SNTG1: variants seen among roughly 807,000 people sequenced by gnomAD.
The protein encoded by SNTG1 is gamma-1-syntrophin.
SNTG1 carries 39 observed loss-of-function variants against 74.7 expected under a neutral mutation model. That is an observed-to-expected ratio of 0.52 (90% confidence interval 0.40 to 0.68). SNTG1 has a LOEUF of 0.68. SNTG1 is among the 30% of genes least tolerant of loss of function. The probability of loss-of-function intolerance (pLI) is 0.00; values close to 1 mark genes in which losing one functional copy is unlikely to be tolerated. For missense variants in SNTG1, 685 were observed against 609.5 expected (o/e 1.12, Z -1.30); for synonymous variants, 254 against 217.1 (o/e 1.17, Z -1.49).
At chr8:50,498,624 T>G (rs1172042260) in intron 8 of SNTG1, among the ~76,000 whole-genome samples, 1 of 151,910 alleles carries the variant, frequency 6.6e-6, no homozygotes, top group Non-Finnish European at 1.5e-5. Context: ...GTGTTTTTAT[T>G]GGATGTACTT....
chr8:50,305,795 A>C (rs1283730895), intron 2 of SNTG1, among the ~76,000 whole-genome samples: 1 of 152,002 alleles, frequency 6.6e-6, no homozygotes, highest in Non-Finnish European at 1.5e-5. Flanking sequence ...TAATATCTGG[A>C]TTAAGAAATC....
At chr8:50,326,500 T>C (rs2090755331) in intron 2 of SNTG1, among the ~76,000 whole-genome samples, 1 of 152,022 alleles carries the variant, frequency 6.6e-6, no homozygotes, top group Admixed American at 6.6e-5. Context: ...ATAGTATTTT[T>C]TGTTATTCCT....
At chr8:50,087,789 T>G (rs203614) in intron 1 of SNTG1, among the ~76,000 whole-genome samples, 94,186 of 151,658 alleles carry the variant, frequency 0.62, 29,599 homozygotes, top group East Asian at 0.84. Flanking sequence ...ATTTATTTAT[T>G]TTTTATTATA....
intron 1 of SNTG1, among the ~76,000 whole-genome samples, chr8:50,081,267 T>C (rs1263056867): frequency 1.3e-5 from 1 of 79,594 alleles, no homozygotes; most frequent in Non-Finnish European, 2.4e-5. Context: ...CATAATTTTT[T>C]TGTCTGTTAT....
chr8:50,673,128 T>A (rs186345681), intron 15 of SNTG1, among the ~76,000 whole-genome samples: 1 of 152,216 alleles, frequency 6.6e-6, no homozygotes, highest in African/African-American at 2.4e-5. Context: ...CCAACTTCAT[T>A]CTTTTTCCTT....
chr8:50,444,027 A>T (rs1304394066), intron 5 of SNTG1, among the ~76,000 whole-genome samples: 1 of 152,076 alleles, frequency 6.6e-6, no homozygotes, highest in African/African-American at 2.4e-5. Flanking sequence ...AGTCTCAGCT[A>T]CTTGGGAGGC....
intron 2 of SNTG1, among the ~76,000 whole-genome samples, chr8:50,236,663 G>C (rs1037880691): frequency 6.6e-6 from 1 of 151,888 alleles, no homozygotes; most frequent in Admixed American, 6.6e-5. Flanking sequence ...TGTTAGCCAG[G>C]ATGGTCTCGA....
chr8:50,065,536 T>C (rs554770051), intron 1 of SNTG1, among the ~76,000 whole-genome samples: 1 of 152,168 alleles, frequency 6.6e-6, no homozygotes, highest in African/African-American at 2.4e-5. Context: ...TTAAGAAAAA[T>C]ATTTGACTCT....
intron 2 of SNTG1, among the ~76,000 whole-genome samples, chr8:50,180,194 G>T (rs2083151548): frequency 6.6e-6 from 1 of 152,120 alleles, no homozygotes; most frequent in Non-Finnish European, 1.5e-5. Flanking sequence ...GACAGATACT[G>T]TATTATTTCA....
Position 50,222,801 on chromosome 8 carries a change from C to G in SNTG1, c.-28+50166C>G, listed in dbSNP as rs533265841. ...AATTAATTTAGAATGGCCCGGGGAA[C>G]TAGTGACCACAGTTGCAGACAGAAG... On this transcript the variant is annotated intron_variant, in intron 2 of 18. Coordinates refer to ENST00000642720, the MANE Select transcript of SNTG1 (RefSeq NM_018967.5). 2.2e-4 allele frequency among the ~76,000 whole-genome samples: 34 copies of G among 152,242 alleles called. 1 individual carries two copies. Among genetic ancestry groups the G allele is most frequent in the African/African-American group, 8.2e-4 (34 of 41,550 alleles).
intron 1 of SNTG1, among the ~76,000 whole-genome samples, chr8:50,158,169 A>T (rs189288806): frequency 6.6e-6 from 1 of 152,126 alleles, no homozygotes; most frequent in Admixed American, 6.6e-5. Flanking sequence ...TTCTCTTCCC[A>T]TTATCAGGTT....
chr8:50,152,628 C>T lies in SNTG1; in HGVS notation c.-102-19933C>T, dbSNP rs1349576844. ...TGGTGAGAAAATCTCTCAGCATTTGCTTGTCTGTAAAGGATTTTATTTCTC... is the reference window on the plus strand; with the variant it reads ...TGGTGAGAAAATCTCTCAGCATTTGTTTGTCTGTAAAGGATTTTATTTCTC... On this transcript the variant is annotated intron_variant, in intron 1 of 18. Coordinates refer to ENST00000642720, the MANE Select transcript of SNTG1 (RefSeq NM_018967.5). Among the ~76,000 whole-genome samples, 5 of 152,122 alleles carry T rather than the reference C, an allele frequency of 3.3e-5. No homozygotes were observed. The East Asian group carries it at 9.6e-4, about 29-fold the overall frequency.
chr8:50,407,522 AG>A (rs1208656991), intron 4 of SNTG1, among the ~76,000 whole-genome samples: 3 of 152,162 alleles, frequency 2.0e-5, no homozygotes, highest in Non-Finnish European at 2.9e-5. Flanking sequence ...ACCCCACAAT[AG>A]GGAGGAAGTT....
intron 2 of SNTG1, among the ~76,000 whole-genome samples, chr8:50,280,605 C>T (rs2088386012): frequency 6.6e-6 from 1 of 152,024 alleles, no homozygotes; most frequent in South Asian, 2.1e-4. Flanking sequence ...AAAGGTGGGA[C>T]AACTTGAAGA....
At chr8:50,074,999 C>T (rs1043533216) in intron 1 of SNTG1, among the ~76,000 whole-genome samples, 1 of 152,218 alleles carries the variant, frequency 6.6e-6, no homozygotes, top group African/African-American at 2.4e-5. Flanking sequence ...AGGGGCTTAG[C>T]ACCTAGGCCA....
At chr8:50,672,428 T>C (rs2095288555) in intron 15 of SNTG1, among the ~76,000 whole-genome samples, 1 of 152,188 alleles carries the variant, frequency 6.6e-6, no homozygotes, top group Non-Finnish European at 1.5e-5. Flanking sequence ...ATTTCTGTAA[T>C]GATCAGTGAT....
intron 1 of SNTG1, among the ~76,000 whole-genome samples, chr8:49,995,585 G>A (rs576156674): frequency 1.9e-4 from 29 of 152,162 alleles, no homozygotes; most frequent in Non-Finnish European, 3.7e-4. Flanking sequence ...CAGAGAATTC[G>A]GATTTATTCA....
At position 50,552,994 on chromosome 8, in the gene SNTG1, C is replaced by T. The variant is rs1399802941; in HGVS notation, c.681-56C>T. 4 of 1,600,248 alleles carry T rather than the reference C, an allele frequency of 2.5e-6. No individual in the cohort carries two copies. In the African/African-American group the frequency reaches 5.4e-5, roughly 21 times the overall value. On this transcript the variant is annotated intron_variant, in intron 11 of 18. Transcript: ENST00000642720. ...GCTTTTCAACAGATACTATTACGAG[C>T]TGCAAATAGATCAATGACATGAGGT...
intron 4 of SNTG1, among the ~76,000 whole-genome samples, chr8:50,407,023 G>T (rs554126993): frequency 6.6e-5 from 10 of 152,218 alleles, no homozygotes; most frequent in Admixed American, 2.0e-4. Flanking sequence ...CACTGGTAAA[G>T]GCCCGCAGAC....
Sources: allele counts gnomAD v4.1 joint callset (sites outside exome capture counted in the v4.1 genomes callset), GRCh38; gene constraint gnomAD v4.1.1; transcripts MANE v1.5; gene names NCBI Gene and HGNC (gene_info 2026-07-23, HGNC 2026-07-21).